Variants in HECTD4 observed in about 807,000 individuals in gnomAD.
The protein encoded by HECTD4 is HECT domain E3 ubiquitin protein ligase 4.
In HECTD4, 114 loss-of-function variants were observed where a neutral mutation model predicts 471.5. That is an observed-to-expected ratio of 0.24 (90% CI 0.21 to 0.28). The LOEUF is 0.28. Ranked by LOEUF, HECTD4 falls within the 10% of genes least tolerant of loss-of-function variation. The pLI, the probability that HECTD4 is intolerant of heterozygous loss-of-function variation, is 1.00. For missense variants in HECTD4, 3,866 were observed against 5,651.5 expected (o/e 0.68, Z 10.13); for synonymous variants, 2,012 against 2,256.0 (o/e 0.89, Z 3.07).
chr12:112,318,696 GATAT>G (rs1259842758), intron 2 of HECTD4, among the ~76,000 whole-genome samples: 1 of 152,116 alleles, frequency 6.6e-6, no homozygotes, highest in Non-Finnish European at 1.5e-5. Context: ...ATTAAATCTA[GATAT>G]ATACTGAGAA....
intron 14 of HECTD4, 101 bp from the exon 15 acceptor site, chr12:112,266,084 A>G (rs976078560): frequency 1.3e-6 from 1 of 760,240 alleles, no homozygotes; most frequent in Non-Finnish European, 2.2e-6. Flanking sequence ...TCGGCAAGCT[A>G]GGGGCACCAG....
chr12:112,359,354 A>T (rs1028700163), intron 1 of HECTD4, among the ~76,000 whole-genome samples: 1 of 152,128 alleles, frequency 6.6e-6, no homozygotes, highest in African/African-American at 2.4e-5. Flanking sequence ...AAAAAATTGC[A>T]AACTCTCAGG....
intron 1 of HECTD4, among the ~76,000 whole-genome samples, chr12:112,342,264 C>T (rs1451571413): frequency 6.7e-6 from 1 of 149,558 alleles, no homozygotes; most frequent in Non-Finnish European, 1.5e-5. Context: ...AAAACCAGCC[C>T]GATCAACACA....
chr12:112,184,466 G>A lies in HECTD4; in HGVS notation c.10500C>T (p.Ile3500=), dbSNP rs1427825174. Reference sequence around the variant, plus strand: ...CAGAGAGGTCGCTGACGGTTTGGGAGATGCCCTGCGAGCTGCAGATGGAGG... The same window carrying A: ...CAGAGAGGTCGCTGACGGTTTGGGAAATGCCCTGCGAGCTGCAGATGGAGG... ...SQASICSSQG[I]SQTVSDLSVD... The change falls in exon 61 of 76, where the codon ATC becomes ATT. Residue 3500 remains isoleucine, a synonymous_variant. Transcript: ENST00000682272. The surrounding 1 kb of genome is among the most constrained non-coding windows in gnomAD (Gnocchi z 9.1). 1 of 1,606,192 alleles carries A rather than the reference G, an allele frequency of 6.2e-7. No individual in the cohort carries two copies. The highest frequency in any genetic ancestry group is 8.5e-7 in the Non-Finnish European group (1 of 1,177,206).
At chr12:112,186,882 G>A (rs763322035) in intron 60 of HECTD4, among the ~76,000 whole-genome samples, 1 of 151,930 alleles carries the variant, frequency 6.6e-6, no homozygotes, top group African/African-American at 2.4e-5. Context: ...TGGCCAGGCC[G>A]GTCTTGAACT....
chr12:112,178,569 C>T (rs922860567), intron 64 of HECTD4, among the ~76,000 whole-genome samples: 4 of 152,198 alleles, frequency 2.6e-5, no homozygotes, highest in Non-Finnish European at 4.4e-5. Flanking sequence ...GTGGCTCCCG[C>T]CTGTAACCTC....
chr12:112,188,068 C>T lies in HECTD4; in HGVS notation c.9473-2575G>A, dbSNP rs1475025390. ...ATGGGAGGCCAAGGCAGGTGGGTCA[C>T]CTGAGGTCAGGAGACTGAGACCAGC... On this transcript the variant is annotated intron_variant, in intron 60 of 75. Transcript: ENST00000682272. The surrounding 1 kb of genome is among the most constrained non-coding windows in gnomAD (Gnocchi z 4.2). Among the ~76,000 whole-genome samples the T allele has an allele frequency of 1.3e-5, 2 of 152,040 alleles. No homozygotes were observed. The highest frequency in any genetic ancestry group is 4.8e-5 in the African/African-American group (2 of 41,420).
intron 15 of HECTD4, among the ~76,000 whole-genome samples, chr12:112,265,535 G>A (rs1477849297): frequency 1.3e-5 from 2 of 151,972 alleles, no homozygotes; most frequent in South Asian, 2.1e-4. Flanking sequence ...CAACACCTTC[G>A]TCCCCTTCAC....
chr12:112,175,380 A>G (rs1369492715), intron 66 of HECTD4, among the ~76,000 whole-genome samples: 2 of 152,210 alleles, frequency 1.3e-5, no homozygotes, highest in African/African-American at 2.4e-5. Flanking sequence ...TCTGGGAGCC[A>G]AGGAGAGCAG....
Position 112,239,268 on chromosome 12 carries a change from A to T in HECTD4, c.5106-32T>A. The stretch of plus-strand genomic sequence containing the variant: ...AAGGGTCATGGATTACACTAGATAA[A>T]CGTAACTGACCGACACTCAGGAAAC... On this transcript the variant is annotated intron_variant, in intron 33 of 75. Coordinates refer to ENST00000682272, the MANE Select transcript of HECTD4 (RefSeq NM_001388303.1). The surrounding 1 kb of genome is among the most constrained non-coding windows in gnomAD (Gnocchi z 4.9). 2 of 1,558,394 alleles carry T rather than the reference A, an allele frequency of 1.3e-6. No homozygotes were observed. Among genetic ancestry groups the T allele is most frequent in the South Asian group, 2.4e-5 (2 of 81,952 alleles).
intron 7 of HECTD4, among the ~76,000 whole-genome samples, chr12:112,289,522 G>A (rs893409152): frequency 9.9e-5 from 15 of 152,004 alleles, no homozygotes; most frequent in African/African-American, 3.6e-4. Flanking sequence ...ACTGTTTTAT[G>A]AAAAATGACA....
intron 1 of HECTD4, among the ~76,000 whole-genome samples, chr12:112,367,434 T>C (rs2036585578): frequency 6.6e-6 from 1 of 152,146 alleles, no homozygotes; most frequent in Admixed American, 6.6e-5. Context: ...ACAGATGCCA[T>C]GAATTCTATT....
At chr12:112,177,440 C>T (rs934480662) in intron 64 of HECTD4, among the ~76,000 whole-genome samples, 4 of 141,802 alleles carry the variant, frequency 2.8e-5, no homozygotes, top group South Asian at 2.2e-4. Context: ...AGTGCAGTGG[C>T]GTGACCTCGG....
intron 60 of HECTD4, among the ~76,000 whole-genome samples, chr12:112,187,869 G>A (rs1390703507): frequency 3.5e-5 from 5 of 143,092 alleles, no homozygotes; most frequent in African/African-American, 5.2e-5. Flanking sequence ...CTCGTGATCC[G>A]CCCGCCTTGG....
At chr12:112,323,044 AG>A in intron 1 of HECTD4, 1 of 212,282 alleles carries the variant, frequency 4.7e-6, no homozygotes, top group Non-Finnish European at 9.3e-6. Flanking sequence ...AAAAGATGCA[AG>A]GAACTTGCCA....
chr12:112,338,775 C>G (rs1303030603), intron 1 of HECTD4, among the ~76,000 whole-genome samples: 1 of 152,016 alleles, frequency 6.6e-6, no homozygotes, highest in Non-Finnish European at 1.5e-5. Flanking sequence ...GGAGCTTTTA[C>G]TTGTGGAGGA....
At chr12:112,178,909 C>A in intron 64 of HECTD4, 22 bp downstream of exon 64, 2 of 1,593,672 alleles carry the variant, frequency 1.3e-6, no homozygotes, top group South Asian at 1.1e-5. Context: ...GCTGGGCTGC[C>A]CAGGCTCCTT....
chr12:112,370,204 G>A (rs1378732613), intron 1 of HECTD4, among the ~76,000 whole-genome samples: 2 of 152,168 alleles, frequency 1.3e-5, no homozygotes, highest in African/African-American at 4.8e-5. Flanking sequence ...AGAAATACAA[G>A]TGGCCACAAG....
chr12:112,168,592 G>A (rs149814159), intron 70 of HECTD4, among the ~76,000 whole-genome samples: 133 of 152,340 alleles, frequency 8.7e-4, no homozygotes, highest in African/African-American at 3.0e-3. Flanking sequence ...AACCCAGTGT[G>A]GGGGCCCAGT....
Sources: allele counts gnomAD v4.1 joint callset (sites outside exome capture counted in the v4.1 genomes callset), GRCh38; gene constraint gnomAD v4.1.1; non-coding constraint Gnocchi (gnomAD v3.1); transcripts MANE v1.5; gene names NCBI Gene and HGNC (gene_info 2026-07-23, HGNC 2026-07-21).